The following SUPT3H variants were observed in gnomAD, a reference collection of about 807,000 sequenced individuals.
The protein encoded by SUPT3H is transcription initiation protein SPT3 homolog.
A neutral mutation model predicts 44.3 loss-of-function variants in SUPT3H; 44 were observed. That is an observed-to-expected ratio of 0.99 (90% CI 0.78 to 1.28). The LOEUF is 1.28. Ranked by LOEUF, SUPT3H falls within the 50% of genes most tolerant of loss-of-function variation. SUPT3H has a pLI of 0.00. For missense variants in SUPT3H, 380 were observed against 387.1 expected (o/e 0.98, Z 0.15); for synonymous variants, 124 against 125.6 (o/e 0.99, Z 0.09).
At chr6:45,293,537 T>C (rs1438260561) in intron 2 of SUPT3H, among the ~76,000 whole-genome samples, 1 of 151,110 alleles carries the variant, frequency 6.6e-6, no homozygotes, top group Admixed American at 6.6e-5. Context: ...ATACAAAAGA[T>C]AAATGAAACA....
intron 2 of SUPT3H, among the ~76,000 whole-genome samples, chr6:45,357,254 A>G (rs6932804): frequency 0.38 from 57,401 of 151,752 alleles, 11,533 homozygotes; most frequent in Non-Finnish European, 0.45. Context: ...TGACCCGCCC[A>G]CCTCGGCCTC....
At chr6:44,928,995 T>A (rs960050921) in intron 10 of SUPT3H, among the ~76,000 whole-genome samples, 5 of 151,454 alleles carry the variant, frequency 3.3e-5, no homozygotes, top group Admixed American at 6.6e-5. Flanking sequence ...GGTGTGTGTC[T>A]CCACAGCACA....
intron 10 of SUPT3H, among the ~76,000 whole-genome samples, chr6:44,926,687 G>A (rs1168390690): frequency 6.6e-6 from 1 of 152,094 alleles, no homozygotes; most frequent in East Asian, 1.9e-4. Context: ...GGGAAGGCTA[G>A]TAACAGTCTG....
chr6:45,043,171 GCACA>G (rs1275026821), intron 3 of SUPT3H, among the ~76,000 whole-genome samples: 1 of 82,066 alleles, frequency 1.2e-5, no homozygotes, highest in South Asian at 3.5e-4. Context: ...ACACACACAC[GCACA>G]CACACAAACA....
At chr6:45,222,265 C>G (rs1262606654) in intron 2 of SUPT3H, among the ~76,000 whole-genome samples, 2 of 152,082 alleles carry the variant, frequency 1.3e-5, no homozygotes, top group Admixed American at 1.3e-4. Context: ...AAATTAAAAA[C>G]TTTTGCTATG....
intron 10 of SUPT3H, among the ~76,000 whole-genome samples, chr6:44,900,332 C>T (rs540040156): frequency 6.6e-5 from 10 of 152,324 alleles, no homozygotes; most frequent in South Asian, 2.1e-4. Context: ...CCTAATACTG[C>T]GCTTTTCCAA....
intron 3 of SUPT3H, among the ~76,000 whole-genome samples, chr6:45,090,195 C>A (rs1275818043): frequency 6.6e-6 from 1 of 152,054 alleles, no homozygotes; most frequent in African/African-American, 2.4e-5. Flanking sequence ...AGCTATTAAT[C>A]ATTACTATGT....
intron 2 of SUPT3H, among the ~76,000 whole-genome samples, chr6:45,175,492 C>T (rs1017656322): frequency 2.6e-5 from 4 of 152,098 alleles, no homozygotes; most frequent in Non-Finnish European, 5.9e-5. Context: ...TCCCTTCACA[C>T]GTGGGGATTA....
intron 2 of SUPT3H, among the ~76,000 whole-genome samples, chr6:45,109,288 C>T (rs1032581934): frequency 3.9e-5 from 6 of 152,106 alleles, no homozygotes; most frequent in African/African-American, 7.2e-5. Context: ...TTATTTAATT[C>T]GTTGGAATAC....
chr6:45,252,615 C>A (rs1324878051), intron 2 of SUPT3H, among the ~76,000 whole-genome samples: 1 of 151,034 alleles, frequency 6.6e-6, no homozygotes, highest in African/African-American at 2.4e-5. Flanking sequence ...GTTAAGAGTT[C>A]TAAGGTAAAA....
At chr6:45,287,634 T>A (rs937724936) in intron 2 of SUPT3H, among the ~76,000 whole-genome samples, 44 of 152,262 alleles carry the variant, frequency 2.9e-4, no homozygotes, top group African/African-American at 9.9e-4. Flanking sequence ...AGTTATTGTT[T>A]AATGGTTGCC....
At chr6:45,185,263 C>T (rs558233763) in intron 2 of SUPT3H, among the ~76,000 whole-genome samples, 6 of 152,144 alleles carry the variant, frequency 3.9e-5, no homozygotes, top group Non-Finnish European at 7.4e-5. Context: ...GTTAGTGGGA[C>T]GCAGGAAAGA....
intron 3 of SUPT3H, among the ~76,000 whole-genome samples, chr6:45,063,734 T>G (rs1792661378): frequency 8.4e-6 from 1 of 119,272 alleles, no homozygotes; most frequent in Non-Finnish European, 1.7e-5. Context: ...ATGAATGAAA[T>G]GAAGCGAGAA....
At chr6:44,928,618 G>T (rs867590354) in intron 10 of SUPT3H, among the ~76,000 whole-genome samples, 5 of 151,954 alleles carry the variant, frequency 3.3e-5, no homozygotes, top group African/African-American at 1.2e-4. Context: ...AACAAGGGCC[G>T]GGCGCGGTGG....
intron 2 of SUPT3H, among the ~76,000 whole-genome samples, chr6:45,163,830 C>T (rs1391117803): frequency 6.6e-6 from 1 of 150,988 alleles, no homozygotes; most frequent in East Asian, 1.9e-4. Flanking sequence ...AGGTCCTCAG[C>T]ATGCATTTAA....
At chr6:45,180,708 A>G (rs1202793019) in intron 2 of SUPT3H, among the ~76,000 whole-genome samples, 1 of 152,176 alleles carries the variant, frequency 6.6e-6, no homozygotes, top group Non-Finnish European at 1.5e-5. Context: ...ACCTTATACA[A>G]AAATTAATTC....
At chr6:45,130,359 C>T (rs1243721982) in intron 2 of SUPT3H, among the ~76,000 whole-genome samples, 1 of 152,126 alleles carries the variant, frequency 6.6e-6, no homozygotes, top group Admixed American at 6.5e-5. Context: ...ACTACATCAT[C>T]CCTTTTTATG....
At chr6:45,236,365 T>C (rs1418927882) in intron 2 of SUPT3H, among the ~76,000 whole-genome samples, 2 of 152,016 alleles carry the variant, frequency 1.3e-5, no homozygotes. Context: ...AAAGGGGAGC[T>C]CAGAAGCATC....
chr6:44,882,653 C>T (rs6903576), intron 10 of SUPT3H, among the ~76,000 whole-genome samples: 63,353 of 151,940 alleles, frequency 0.42, 13,587 homozygotes, highest in East Asian at 0.7. Context: ...ACTGGCAAAC[C>T]GGATCCAGCA....
Sources: gnomAD v4.1 joint callset for allele counts (sites outside exome capture counted in the v4.1 genomes callset) on GRCh38, gnomAD v4.1.1 for gene constraint, MANE v1.5 for transcripts, NCBI Gene and HGNC (gene_info 2026-07-23, HGNC 2026-07-21) for gene names.